Variants in BRAF observed in about 807,000 individuals in gnomAD.
BRAF encodes B-Raf proto-oncogene, serine/threonine kinase, also known as serine/threonine-protein kinase B-raf.
In BRAF, 16 loss-of-function variants were observed where a neutral mutation model predicts 104.6. The ratio of observed to expected loss-of-function variants is 0.15; its 90% CI spans 0.10 to 0.23. BRAF has a LOEUF of 0.23. Ranked by LOEUF, BRAF falls within the 10% of genes least tolerant of loss-of-function variation. BRAF has a pLI of 1.00. For synonymous variants in BRAF, 310 were observed against 341.6 expected, an observed-to-expected ratio of 0.91 and a Z score of 1.02; for missense variants, 541 against 937.3, an observed-to-expected ratio of 0.58 and a Z score of 5.52.
chr7:140,778,341 A>G (rs1800527474), intron 12 of BRAF, among the ~76,000 whole-genome samples: 1 of 152,232 alleles, frequency 6.6e-6, no homozygotes, highest in South Asian at 2.1e-4. Context: ...GGTAAAATCA[A>G]TTAAGTACCC....
chr7:140,721,211 T>C lies in BRAF; in HGVS notation c.*5283A>G, dbSNP rs1306783090. The stretch of plus-strand genomic sequence containing the variant: ...ATTTTAATAAAGCTGATTTAGTAAT[T>C]AATAAAACTTAACAGTTGAAGTTGT... On this transcript the variant is annotated 3_prime_UTR_variant, in exon 20 of 20. Coordinates refer to ENST00000644969, the MANE Select transcript of BRAF (RefSeq NM_001374258.1). 4.6e-6 allele frequency: 5 copies of C among 1,080,004 alleles called. No homozygotes were observed. The highest frequency in any genetic ancestry group is 4.0e-4 in the Middle Eastern group (1 of 2,498). The allele number at this position is 1,080,004 out of a possible 1,614,324, so 66.9% of individuals were successfully genotyped here.
At chr7:140,800,551 T>A (rs1802990911) in intron 6 of BRAF, 70 bp from the exon 7 acceptor site, 4 of 1,608,634 alleles carry the variant, frequency 2.5e-6, no homozygotes, top group Non-Finnish European at 3.4e-6. Flanking sequence ...AATACATAGT[T>A]AACCAAAAAA....
intron 1 of BRAF, among the ~76,000 whole-genome samples, chr7:140,907,500 A>T (rs977018992): frequency 1.3e-5 from 2 of 152,080 alleles, no homozygotes; most frequent in Non-Finnish European, 2.9e-5. Flanking sequence ...TGACCTCGTG[A>T]TCTGTCGGCC....
intron 1 of BRAF, among the ~76,000 whole-genome samples, chr7:140,921,563 C>T (rs926363254): frequency 2.0e-5 from 3 of 151,740 alleles, no homozygotes; most frequent in African/African-American, 4.8e-5. Flanking sequence ...TCTAATAATA[C>T]GTAGAAATTT....
At chr7:140,874,934 T>A (rs1812047996) in intron 1 of BRAF, among the ~76,000 whole-genome samples, 1 of 152,124 alleles carries the variant, frequency 6.6e-6, no homozygotes, top group Non-Finnish European at 1.5e-5. Context: ...ACCCTCCCCA[T>A]CTCTTGCTTC....
intron 5 of BRAF, among the ~76,000 whole-genome samples, chr7:140,803,410 C>A (rs1803330265): frequency 6.6e-6 from 1 of 151,956 alleles, no homozygotes; most frequent in South Asian, 2.1e-4. Flanking sequence ...AATCAGAACC[C>A]CTGATCTATG....
chr7:140,714,057 A>G, the BRAF span, among the ~76,000 whole-genome samples: 1 of 152,104 alleles, frequency 6.6e-6, no homozygotes, highest in Non-Finnish European at 1.5e-5. Flanking sequence ...CGGGTCAGGG[A>G]CCCACTTGAG....
At chr7:140,740,169 G>T in intron 17 of BRAF, 1 of 521,262 alleles carries the variant, frequency 1.9e-6, no homozygotes, top group Non-Finnish European at 3.4e-6. Context: ...TGTGGCAAAG[G>T]TTCTCTAATT....
At chr7:140,812,667 T>C (rs1188045406) in intron 3 of BRAF, among the ~76,000 whole-genome samples, 2 of 152,192 alleles carry the variant, frequency 1.3e-5, no homozygotes, top group Admixed American at 1.3e-4. Context: ...ATTTGTTCTT[T>C]CATGATAGTA....
intron 14 of BRAF, among the ~76,000 whole-genome samples, chr7:140,768,425 T>A (rs1301031162): frequency 6.6e-6 from 1 of 152,020 alleles, no homozygotes; most frequent in African/African-American, 2.4e-5. Context: ...GTGTTGAGAG[T>A]TGGTGGGACC....
At chr7:140,728,233 T>A (rs776022566) in intron 19 of BRAF, among the ~76,000 whole-genome samples, 3 of 152,198 alleles carry the variant, frequency 2.0e-5, no homozygotes, top group Non-Finnish European at 4.4e-5. Flanking sequence ...ATTATATAGA[T>A]GAGGAAGCCA....
chr7:140,836,424 C>A (rs976080596), intron 2 of BRAF, among the ~76,000 whole-genome samples: 3 of 152,030 alleles, frequency 2.0e-5, no homozygotes, highest in African/African-American at 7.2e-5. Context: ...AGAGAAATTT[C>A]ATTTCAATAA....
rs74512895 is a variant in BRAF at position 140,895,216 on chromosome 7, A to G, written c.138+29350T>C. On this transcript the variant is annotated intron_variant, in intron 1 of 19. Transcript: ENST00000644969. ...ACTTACCTAAATAGATCAATGTAGG[A>G]AAAAAACATGATCACCTCAATAAAT... Among the ~76,000 whole-genome samples the G allele has an allele frequency of 1.1e-3, 170 of 152,308 alleles. 2 individuals are homozygous for G. The East Asian group carries it at 0.031, about 28-fold the overall frequency.
intron 18 of BRAF, 50 bp from the exon 18 acceptor site, chr7:140,734,820 AAAAG>A (rs145368076): frequency 2.8e-5 from 38 of 1,374,438 alleles, no homozygotes; most frequent in African/African-American, 9.8e-5. Flanking sequence ...AAAAGAAAAA[AAAAG>A]AAAGAAAGAA....
rs576820459 is a variant in BRAF, at chr7:140,726,447, C to G, written c.*47G>C. ...TGTGTTTTGATGTTAACAAATTGTA[C>G]GAACACAAGACTTAAGAAATAAGAG... On this transcript the variant is annotated 3_prime_UTR_variant, in exon 20 of 20. Transcript: ENST00000644969. 2.6e-6 allele frequency: 4 copies of G among 1,532,292 alleles called. No individual in the cohort carries two copies. The highest frequency in any genetic ancestry group is 1.4e-5 in the African/African-American group (1 of 72,888). 94.9% of individuals were successfully genotyped at this position (1,532,292 alleles called of 1,614,324 possible). A position where few individuals can be genotyped will look rare whatever the true frequency, so the allele number is the denominator to read the frequency against.
chr7:140,757,132 CCTG>C (rs1370490626), intron 14 of BRAF, among the ~76,000 whole-genome samples: 1 of 152,078 alleles, frequency 6.6e-6, no homozygotes, highest in Non-Finnish European at 1.5e-5. Flanking sequence ...TTACATGCTT[CCTG>C]CTGCTGGGTC....
At chr7:140,907,673 A>G (rs1363421567) in intron 1 of BRAF, among the ~76,000 whole-genome samples, 2 of 151,960 alleles carry the variant, frequency 1.3e-5, no homozygotes, top group African/African-American at 4.8e-5. Flanking sequence ...AGCGGGTCCC[A>G]AATTCCTGGC....
At chr7:140,824,973 CTTTTT>C (rs201596326) in intron 3 of BRAF, among the ~76,000 whole-genome samples, 1 of 139,908 alleles carries the variant, frequency 7.1e-6, no homozygotes. Context: ...GTTGTTTTTT[CTTTTT>C]TTTTTTTTTT....
At chr7:140,746,666 C>A (rs1797371521) in intron 17 of BRAF, among the ~76,000 whole-genome samples, 1 of 151,598 alleles carries the variant, frequency 6.6e-6, no homozygotes, top group Non-Finnish European at 1.5e-5. Context: ...CCTGTCTCTA[C>A]CAAAAATACA....
Sources: allele counts gnomAD v4.1 joint callset (sites outside exome capture counted in the v4.1 genomes callset), GRCh38; gene constraint gnomAD v4.1.1; transcripts MANE v1.5; gene names NCBI Gene and HGNC (gene_info 2026-07-23, HGNC 2026-07-21).